Variants in KIF27 observed in about 807,000 individuals in gnomAD.
KIF27 encodes kinesin family member 27.
Under a neutral mutation model 141.8 loss-of-function variants are expected in KIF27, and 84 were observed. The ratio of observed to expected loss-of-function variants is 0.59; its 90% confidence interval spans 0.50 to 0.71. KIF27 has a LOEUF of 0.71. KIF27 is among the 30% of genes least tolerant of loss of function. KIF27 has a pLI of 0.00. For missense variants in KIF27, 1,306 were observed against 1,628.4 expected (o/e 0.80, Z 3.41); for synonymous variants, 471 against 569.5 (o/e 0.83, Z 2.46).
chr9:83,856,697 C>T (rs1235790676), intron 14 of KIF27, among the ~76,000 whole-genome samples: 3 of 148,576 alleles, frequency 2.0e-5, no homozygotes, highest in South Asian at 2.1e-4. Context: ...GCTGAGATCA[C>T]GCCACTGCAC....
chr9:83,877,202 TG>T, intron 11 of KIF27, among the ~76,000 whole-genome samples: 1 of 152,344 alleles, frequency 6.6e-6, no homozygotes, highest in African/African-American at 2.4e-5. Flanking sequence ...GCTTTTTTTT[TG>T]TGGTAAGAGT....
chr9:83,861,561 T>C (rs1048084531), intron 13 of KIF27, among the ~76,000 whole-genome samples: 6 of 152,226 alleles, frequency 3.9e-5, no homozygotes, highest in Non-Finnish European at 5.9e-5. Flanking sequence ...TGCCACATTT[T>C]CTTAATCCAG....
intron 4 of KIF27, among the ~76,000 whole-genome samples, chr9:83,901,709 C>T (rs745412346): frequency 2.0e-5 from 3 of 152,104 alleles, no homozygotes; most frequent in Non-Finnish European, 4.4e-5. Flanking sequence ...CCCGTCTCTA[C>T]TAAAAATACA....
chr9:83,911,059 CTTT>C (rs553058365), intron 2 of KIF27, among the ~76,000 whole-genome samples: 1 of 152,062 alleles, frequency 6.6e-6, no homozygotes, highest in African/African-American at 2.4e-5. Context: ...GATTCCACTT[CTTT>C]TTTTCTTTTC....
Position 83,835,156 on chromosome 9 carries a change from T to G in KIF27, c.*1845A>C, listed in dbSNP as rs1048756714. 2.7e-5 allele frequency among the ~76,000 whole-genome samples: 4 copies of G among 149,876 alleles called. No homozygotes were observed. Among genetic ancestry groups the G allele is most frequent in the East Asian group, 3.9e-4 (2 of 5,172 alleles). On this transcript the variant is annotated 3_prime_UTR_variant, in exon 18 of 18. Coordinates refer to ENST00000297814, the MANE Select transcript of KIF27 (RefSeq NM_017576.4). ...ACACATTTCCTTATATACTTGTATA[T>G]GTACAAGTGTATATACATATATATA...
chr9:83,911,142 C>T (rs1955116806), intron 2 of KIF27, among the ~76,000 whole-genome samples: 1 of 152,188 alleles, frequency 6.6e-6, no homozygotes, highest in Admixed American at 6.5e-5. Flanking sequence ...TCATGGCTCA[C>T]TACAGCCTTG....
At position 83,850,296 on chromosome 9, in the gene KIF27, A is replaced by G; in HGVS notation, c.3359T>C (p.Val1120Ala). 2 of 1,608,322 alleles carry G rather than the reference A, an allele frequency of 1.2e-6. No homozygotes were observed. The highest frequency in any genetic ancestry group is 1.7e-6 in the Non-Finnish European group (2 of 1,174,914). Residue 1120 changes from valine to alanine, a missense_variant and splice_region_variant, in exon 16 of 18, where the codon GTG (valine) becomes GCG (alanine). Transcript: ENST00000297814. The part of the protein sequence containing the change: ...RTILFRYFNK[V>A]VNLREAERKQ... ...CCGTTCAGCTTCTCGCAAATTCACC[A>G]CCTAACAAATACATATTTTGACCTG...
At chr9:83,871,251 C>A (rs181978634) in intron 11 of KIF27, among the ~76,000 whole-genome samples, 5 of 152,188 alleles carry the variant, frequency 3.3e-5, no homozygotes, top group Non-Finnish European at 7.4e-5. Context: ...AATAATTGTA[C>A]ATTTTCGTGA....
intron 13 of KIF27, among the ~76,000 whole-genome samples, chr9:83,860,298 A>C (rs549974375): frequency 2.0e-5 from 3 of 152,316 alleles, no homozygotes; most frequent in South Asian, 4.1e-4. Flanking sequence ...TCCTACTCCA[A>C]GACGGCCACC....
chr9:83,903,560 G>A lies in KIF27; in HGVS notation c.958C>T (p.Pro320Ser). Residue 320 changes from proline (P) to serine (S), a missense_variant, in exon 4 of 18, where the codon CCC becomes TCC. By Grantham distance (74) the Pro-to-Ser change is moderately conservative (BLOSUM62 -1). Coordinates refer to ENST00000297814, the MANE Select transcript of KIF27 (RefSeq NM_017576.4). ...GACTCATCAAAATTCGAGGAGGAGG[G>A]GCTGACACATGTGATCATGACAGTC... ...AKTVMITCVS[P>S]SSSNFDESLN... 1 of 1,614,068 alleles carries A rather than the reference G, an allele frequency of 6.2e-7. No homozygotes were observed.
chr9:83,904,090 G>T, intron 3 of KIF27, 72 bp from the exon 4 acceptor site: 2 of 1,194,164 alleles, frequency 1.7e-6, no homozygotes, highest in Non-Finnish European at 2.3e-6. Context: ...GTTACCATTT[G>T]CTAAACAGCC....
intron 16 of KIF27, chr9:83,847,841 T>C (rs1189921120): frequency 5.3e-5 from 8 of 152,232 alleles, no homozygotes; most frequent in Non-Finnish European, 7.3e-5. Context: ...TTCTTTAGTT[T>C]TGAGACTCGG....
chr9:83,846,262 T>C (rs2542806), intron 16 of KIF27, among the ~76,000 whole-genome samples: 7 of 152,238 alleles, frequency 4.6e-5, no homozygotes, highest in African/African-American at 4.8e-5. Context: ...CTCACTGGAA[T>C]AGACACTTAC....
At chr9:83,884,455 A>G (rs555761254) in intron 9 of KIF27, among the ~76,000 whole-genome samples, 41 of 152,280 alleles carry the variant, frequency 2.7e-4, no homozygotes, top group Middle Eastern at 6.8e-3. Context: ...CAACAAAAGA[A>G]ATAATAAAAT....
chr9:83,848,415 T>G (rs1414983509), intron 16 of KIF27, among the ~76,000 whole-genome samples: 1 of 136,214 alleles, frequency 7.3e-6, no homozygotes, highest in Non-Finnish European at 1.6e-5. Context: ...ATATATGATA[T>G]ATATGTATAT....
intron 11 of KIF27, among the ~76,000 whole-genome samples, chr9:83,871,140 G>C (rs949535486): frequency 1.1e-4 from 16 of 152,014 alleles, no homozygotes; most frequent in African/African-American, 3.9e-4. Context: ...AGTCTCTAGT[G>C]ATCTTCCTGG....
chr9:83,839,019 G>A (rs564004465), intron 17 of KIF27, among the ~76,000 whole-genome samples: 3 of 152,142 alleles, frequency 2.0e-5, no homozygotes, highest in East Asian at 3.9e-4. Flanking sequence ...CCCTAGCTGG[G>A]TGCGGTGGTT....
rs767060247 is a variant in KIF27 at position 83,908,516 on chromosome 9, A to T, written c.435T>A (p.Asp145Glu). The T allele has an allele frequency of 6.2e-7, 1 of 1,612,564 alleles. No individual in the cohort carries two copies. The highest frequency in any genetic ancestry group is 8.5e-7 in the Non-Finnish European group (1 of 1,179,004). The part of the protein sequence containing the change: ...YIEVYKEDLR[D>E]LLELETSMKD... ...TCATGGATGTCTCCAATTCTAGAAG[A>T]TCTCTTAGGTCTTCCTTGTACACTT... The change falls in exon 3 of 18, where the codon GAT (aspartate) becomes GAA (glutamate). Residue 145 changes from aspartate to glutamate, a missense_variant. Physicochemically the swap from Asp to Glu is conservative, Grantham distance 45. Around this residue, in one of 4 missense-constraint regions of KIF27, gnomAD observed 533 missense variants for 565.6 expected, o/e 0.94. Transcript: ENST00000297814.
chr9:83,891,766 C>G (rs1952707374), intron 5 of KIF27, among the ~76,000 whole-genome samples: 1 of 152,174 alleles, frequency 6.6e-6, no homozygotes, highest in South Asian at 2.1e-4. Context: ...TCCACTGTGA[C>G]TGGATGCTTT....
Sources: allele counts gnomAD v4.1 joint callset (sites outside exome capture counted in the v4.1 genomes callset), GRCh38; gene constraint gnomAD v4.1.1; regional missense constraint gnomAD v4.1.1; transcripts MANE v1.5; gene names NCBI Gene and HGNC (gene_info 2026-07-23, HGNC 2026-07-21).